FAM163A: variants seen among roughly 807,000 people sequenced by gnomAD.
FAM163A encodes protein FAM163A.
FAM163A carries 7 observed loss-of-function variants against 12.0 expected under a neutral mutation model. The observed-to-expected ratio is 0.58, with a 90% CI of 0.33 to 1.10. The LOEUF (loss-of-function observed/expected upper bound fraction) is 1.10. Among genes scored for constraint, FAM163A ranks in the 50% least tolerant of loss-of-function variants. The pLI is 0.03. For synonymous variants in FAM163A, 101 were observed against 91.0 expected (o/e 1.11, Z -0.62); for missense variants, 202 against 218.6 (o/e 0.92, Z 0.48).
chr1:179,775,536 C>T (rs1688836362), intron 1 of FAM163A, among the ~76,000 whole-genome samples: 2 of 152,176 alleles, frequency 1.3e-5, no homozygotes, highest in South Asian at 4.1e-4. Flanking sequence ...ACCCTATTCT[C>T]CTGCCTCAAT....
chr1:179,781,541 C>T (rs531717400), intron 1 of FAM163A, among the ~76,000 whole-genome samples: 206 of 152,112 alleles, frequency 1.4e-3, no homozygotes, highest in African/African-American at 4.4e-3. Flanking sequence ...GGGATGGCTT[C>T]CTGGGGCAAG....
intron 1 of FAM163A, among the ~76,000 whole-genome samples, chr1:179,752,303 A>G (rs1210997790): frequency 2.0e-5 from 3 of 152,192 alleles, no homozygotes; most frequent in African/African-American, 4.8e-5. Context: ...TCAATTCAAA[A>G]TGGATTAAAA....
chr1:179,776,675 G>A (rs920628562), intron 1 of FAM163A, among the ~76,000 whole-genome samples: 20 of 152,232 alleles, frequency 1.3e-4, no homozygotes, highest in African/African-American at 2.4e-4. Flanking sequence ...GTCAAATTGC[G>A]AAATGGTCTT....
intron 1 of FAM163A, among the ~76,000 whole-genome samples, chr1:179,773,104 C>A (rs1688487629): frequency 6.6e-6 from 1 of 150,804 alleles, no homozygotes. Flanking sequence ...AATTGAAGTT[C>A]TTTCAAAATT....
At chr1:179,752,863 C>T (rs1685476291) in intron 1 of FAM163A, among the ~76,000 whole-genome samples, 1 of 152,060 alleles carries the variant, frequency 6.6e-6, no homozygotes, top group South Asian at 2.1e-4. Context: ...TAAAATGGTG[C>T]AGTCACTGTG....
At chr1:179,780,550 G>A (rs993937153) in intron 1 of FAM163A, among the ~76,000 whole-genome samples, 2 of 152,184 alleles carry the variant, frequency 1.3e-5, no homozygotes, top group African/African-American at 4.8e-5. Flanking sequence ...CCCCAGATGA[G>A]CAACATCAGC....
chr1:179,769,644 G>A (rs1472051270), intron 1 of FAM163A, among the ~76,000 whole-genome samples: 7 of 152,120 alleles, frequency 4.6e-5, no homozygotes, highest in Admixed American at 2.6e-4. Flanking sequence ...TGCAGGCTGC[G>A]GGAACGGCAC....
At chr1:179,732,390 T>C in the FAM163A span, among the ~76,000 whole-genome samples, 3 of 152,224 alleles carry the variant, frequency 2.0e-5, no homozygotes, top group African/African-American at 7.2e-5. Context: ...CTTTTTTCAG[T>C]GTGGGCACTG....
At chr1:179,733,024 G>A in the FAM163A span, among the ~76,000 whole-genome samples, 1 of 151,982 alleles carries the variant, frequency 6.6e-6, no homozygotes, top group African/African-American at 2.4e-5. Context: ...CCTACAGAGT[G>A]AAAGTAAAAA....
intron 1 of FAM163A, among the ~76,000 whole-genome samples, chr1:179,746,225 C>A (rs751142807): frequency 2.0e-5 from 3 of 152,220 alleles, no homozygotes; most frequent in South Asian, 2.1e-4. Flanking sequence ...TATAAACGCC[C>A]ATGCCATCTG....
At chr1:179,798,095 T>C (rs965904360) in intron 1 of FAM163A, among the ~76,000 whole-genome samples, 4 of 151,972 alleles carry the variant, frequency 2.6e-5, no homozygotes, top group Admixed American at 1.3e-4. Context: ...CCAGGCATGG[T>C]GGCAGGTACC....
chr1:179,786,496 C>T (rs1367764549), intron 1 of FAM163A, among the ~76,000 whole-genome samples: 2 of 152,238 alleles, frequency 1.3e-5, no homozygotes, highest in Non-Finnish European at 2.9e-5. Flanking sequence ...TTCTACTTCC[C>T]CACCAAAGCC....
Position 179,809,476 on chromosome 1 carries a change from G to A in FAM163A, c.-45+1588G>A, listed in dbSNP as rs550523519. Among the ~76,000 whole-genome samples the A allele has an allele frequency of 1.1e-4, 16 of 152,280 alleles. 1 individual carries two copies. The South Asian group carries it at 1.7e-3, about 16-fold the overall frequency. Reference sequence around the variant, plus strand: ...GAAAGAAGGTCATTTTCCAATATGGGGTAGCTGCTCAGTGGCACAGGTGAT... The same window carrying A: ...GAAAGAAGGTCATTTTCCAATATGGAGTAGCTGCTCAGTGGCACAGGTGAT... On this transcript the variant is annotated intron_variant, in intron 2 of 4. Transcript: ENST00000341785.
chr1:179,756,619 C>T (rs1259351762), intron 1 of FAM163A, among the ~76,000 whole-genome samples: 4 of 152,156 alleles, frequency 2.6e-5, no homozygotes, highest in Non-Finnish European at 5.9e-5. Flanking sequence ...ACTGGCAGTG[C>T]AGGTCTGAAA....
chr1:179,813,994 C>A lies in FAM163A; in HGVS notation c.309C>A (p.Ser103=). The A allele has an allele frequency of 6.2e-7, 1 of 1,613,254 alleles. No homozygotes were observed. The highest frequency in any genetic ancestry group is 8.5e-7 in the Non-Finnish European group (1 of 1,179,372). ...GCACTACCTGCTCCCCATACAGCTC[C>A]CCCTTTTACATACGGACGGCTGACA... The part of the protein sequence containing the change: ...SHCTTCSPYS[S]PFYIRTADMV... Residue 103 remains serine (S), a synonymous_variant, in exon 5 of 5, where the codon TCC becomes TCA. Coordinates refer to ENST00000341785, the MANE Select transcript of FAM163A (RefSeq NM_173509.3).
chr1:179,810,330 G>A (rs1009173861), intron 2 of FAM163A, among the ~76,000 whole-genome samples: 3 of 152,122 alleles, frequency 2.0e-5, no homozygotes, highest in Non-Finnish European at 4.4e-5. Flanking sequence ...AGGATGGGCA[G>A]GATTTAAACA....
intron 1 of FAM163A, among the ~76,000 whole-genome samples, chr1:179,804,945 C>T (rs1250924739): frequency 1.3e-5 from 2 of 152,168 alleles, no homozygotes; most frequent in African/African-American, 2.4e-5. Context: ...CTTGTATCCC[C>T]AAACCTAAAA....
At chr1:179,809,960 C>T (rs1042705147) in intron 2 of FAM163A, among the ~76,000 whole-genome samples, 6 of 152,168 alleles carry the variant, frequency 3.9e-5, no homozygotes, top group African/African-American at 1.2e-4. Flanking sequence ...CGAACAGTGA[C>T]GCTCAAGTCT....
intron 1 of FAM163A, among the ~76,000 whole-genome samples, chr1:179,793,631 G>A (rs1188983579): frequency 6.6e-6 from 1 of 152,228 alleles, no homozygotes; most frequent in Non-Finnish European, 1.5e-5. Flanking sequence ...TATTTCAGGT[G>A]TAATGTCATA....
Sources: gnomAD v4.1 joint callset for allele counts (sites outside exome capture counted in the v4.1 genomes callset) on GRCh38, gnomAD v4.1.1 for gene constraint, MANE v1.5 for transcripts, NCBI Gene and HGNC (gene_info 2026-07-23, HGNC 2026-07-21) for gene names.